Variants in LSAMP observed in about 807,000 individuals in gnomAD.
The protein encoded by LSAMP is limbic system associated membrane protein.
In LSAMP, 7 loss-of-function variants were observed where a neutral mutation model predicts 38.6. The observed-to-expected ratio is 0.18, with a 90% confidence interval of 0.10 to 0.34. LSAMP has a LOEUF of 0.34. Ranked by LOEUF, LSAMP falls within the 10% of genes least tolerant of loss-of-function variation. The pLI is 1.00. For synonymous variants in LSAMP, 154 were observed against 166.8 expected (o/e 0.92, Z 0.59); for missense variants, 313 against 420.0 (o/e 0.75, Z 2.23).
intron 1 of LSAMP, 141 bp downstream of exon 1, chr3:116,444,736 A>G: frequency 9.2e-7 from 1 of 1,083,734 alleles, no homozygotes; most frequent in Non-Finnish European, 1.4e-6. Flanking sequence ...CACACCACAC[A>G]CACACACACC....
chr3:115,816,359 A>G (rs571909391), intron 6 of LSAMP, among the ~76,000 whole-genome samples: 1 of 152,362 alleles, frequency 6.6e-6, no homozygotes, highest in African/African-American at 2.4e-5. Context: ...AACAGGGAGC[A>G]GCGCAAAGCA....
intron 1 of LSAMP, among the ~76,000 whole-genome samples, chr3:116,185,522 G>A (rs72961569): frequency 4.0e-5 from 6 of 151,856 alleles, no homozygotes; most frequent in African/African-American, 1.2e-4. Flanking sequence ...ATACTATAAG[G>A]TTTTTACTCA....
At chr3:115,874,537 T>C (rs1018915163) in intron 3 of LSAMP, among the ~76,000 whole-genome samples, 1 of 152,144 alleles carries the variant, frequency 6.6e-6, no homozygotes, top group African/African-American at 2.4e-5. Context: ...CATTTATCTA[T>C]ATATTCCCCC....
intron 1 of LSAMP, among the ~76,000 whole-genome samples, chr3:116,118,353 A>T (rs138093863): frequency 1.3e-3 from 192 of 152,202 alleles, no homozygotes; most frequent in Non-Finnish European, 1.6e-3. Context: ...TCAATTCCTG[A>T]ACTGTCTGTG....
intron 1 of LSAMP, among the ~76,000 whole-genome samples, chr3:116,167,522 A>C (rs532354900): frequency 1.3e-5 from 2 of 152,024 alleles, no homozygotes; most frequent in Non-Finnish European, 2.9e-5. Context: ...TCTGATCTAT[A>C]TACATCTCTC....
chr3:116,109,328 G>C lies in LSAMP; in HGVS notation c.156-22772C>G, dbSNP rs28773231. Among the ~76,000 whole-genome samples, 1,355 of 152,222 alleles carry C rather than the reference G, an allele frequency of 8.9e-3. 20 individuals carry two copies. The highest frequency in any genetic ancestry group is 0.029 in the African/African-American group (1,213 of 41,522). The stretch of plus-strand genomic sequence containing the variant: ...AAAGATTATAGGGTGGAGGAGCAGA[G>C]GCTGAGGAAGAATTGGGACCTAGCT... On this transcript the variant is annotated intron_variant, in intron 1 of 6. Coordinates refer to ENST00000490035, the MANE Select transcript of LSAMP (RefSeq NM_002338.5).
intron 1 of LSAMP, among the ~76,000 whole-genome samples, chr3:116,093,679 AT>A (rs531351793): frequency 6.6e-6 from 1 of 152,048 alleles, no homozygotes; most frequent in East Asian, 1.9e-4. Context: ...AGAAAAATTG[AT>A]TTTTTTTAAG....
At chr3:116,200,247 T>C (rs997101009) in intron 1 of LSAMP, among the ~76,000 whole-genome samples, 28 of 152,220 alleles carry the variant, frequency 1.8e-4, no homozygotes, top group African/African-American at 6.7e-4. Flanking sequence ...CTCTGAGATT[T>C]CAGGAAGCTT....
intron 3 of LSAMP, among the ~76,000 whole-genome samples, chr3:115,939,530 C>CTTTCTTTCTTTCTT (rs1553751054): frequency 1.0e-5 from 1 of 99,620 alleles, no homozygotes; most frequent in Non-Finnish European, 2.0e-5. Context: ...TGTTCTCTTT[C>CTTTCTTTCTTTCTT]TCTTTCTTTC....
intron 1 of LSAMP, among the ~76,000 whole-genome samples, chr3:116,104,709 C>T (rs554948741): frequency 3.3e-5 from 5 of 152,168 alleles, no homozygotes; most frequent in East Asian, 3.8e-4. Flanking sequence ...AACTACCTCA[C>T]GTCTCTCCAA....
intron 3 of LSAMP, among the ~76,000 whole-genome samples, chr3:115,915,406 G>C (rs1220779212): frequency 6.6e-6 from 1 of 152,192 alleles, no homozygotes; most frequent in Non-Finnish European, 1.5e-5. Context: ...AAAGACCTTT[G>C]ATATCAACTA....
At chr3:116,210,897 A>G (rs939788939) in intron 1 of LSAMP, among the ~76,000 whole-genome samples, 2 of 152,194 alleles carry the variant, frequency 1.3e-5, no homozygotes, top group Non-Finnish European at 2.9e-5. Flanking sequence ...TCATTGCAGC[A>G]CTGTTCAAAA....
chr3:116,250,948 GT>G (rs1223551897), intron 1 of LSAMP, among the ~76,000 whole-genome samples: 1 of 152,150 alleles, frequency 6.6e-6, no homozygotes, highest in African/African-American at 2.4e-5. Flanking sequence ...GTCCCTGTGT[GT>G]ACATCTGTCT....
At chr3:116,234,342 T>C (rs1331736967) in intron 1 of LSAMP, among the ~76,000 whole-genome samples, 5 of 152,106 alleles carry the variant, frequency 3.3e-5, no homozygotes, top group African/African-American at 4.8e-5. Context: ...ATTCATGAAA[T>C]GACCAAATGC....
chr3:116,279,237 T>A (rs984580053), intron 1 of LSAMP, among the ~76,000 whole-genome samples: 2 of 152,178 alleles, frequency 1.3e-5, no homozygotes, highest in Non-Finnish European at 2.9e-5. Context: ...ATATCACTTC[T>A]TAATAAATTA....
chr3:115,847,105 G>T (rs1935184876), intron 4 of LSAMP, among the ~76,000 whole-genome samples: 1 of 152,110 alleles, frequency 6.6e-6, no homozygotes, highest in Admixed American at 6.5e-5. Flanking sequence ...TTATTCACTT[G>T]GTATCATGGA....
chr3:116,143,935 ACT>A (rs1709430973), intron 1 of LSAMP, among the ~76,000 whole-genome samples: 2 of 151,820 alleles, frequency 1.3e-5, no homozygotes, highest in Admixed American at 1.3e-4. Context: ...TTCCTTCTAG[ACT>A]CTCTTTAGTG....
intron 1 of LSAMP, among the ~76,000 whole-genome samples, chr3:116,184,583 T>G (rs902074108): frequency 7.2e-4 from 109 of 152,020 alleles, no homozygotes; most frequent in African/African-American, 2.5e-3. Context: ...TTTGGTGCAA[T>G]AGAGTTTAAT....
At chr3:115,934,738 G>A (rs2107547116) in intron 3 of LSAMP, among the ~76,000 whole-genome samples, 1 of 152,270 alleles carries the variant, frequency 6.6e-6, no homozygotes, top group South Asian at 2.1e-4. Context: ...TTCTGGGTTT[G>A]TGACTGACCA....
Sources: allele counts gnomAD v4.1 joint callset (sites outside exome capture counted in the v4.1 genomes callset), GRCh38; gene constraint gnomAD v4.1.1; transcripts MANE v1.5; gene names NCBI Gene and HGNC (gene_info 2026-07-23, HGNC 2026-07-21).